The following EPN2 variants were observed in gnomAD, a reference collection of about 807,000 sequenced individuals.
EPN2 encodes the protein epsin 2, also known as epsin-2.
In EPN2, 34 loss-of-function variants were observed where a neutral mutation model predicts 61.7. The ratio of observed to expected loss-of-function variants is 0.55; its 90% CI spans 0.42 to 0.73. EPN2 has a LOEUF of 0.73. Among genes scored for constraint, EPN2 ranks in the 30% least tolerant of loss-of-function variants. EPN2 has a pLI of 0.00. For missense variants in EPN2, 714 were observed against 839.2 expected (o/e 0.85, Z 1.84); for synonymous variants, 349 against 353.6 (o/e 0.99, Z 0.15).
intron 1 of EPN2, among the ~76,000 whole-genome samples, chr17:19,254,215 A>AAAAGG (rs144668253): frequency 2.6e-5 from 4 of 151,780 alleles, no homozygotes; most frequent in South Asian, 2.1e-4. Context: ...AAGGAAAGGA[A>AAAAGG]AAAGGAAAGG....
At chr17:19,333,541 C>T (rs183177635) in intron 10 of EPN2, among the ~76,000 whole-genome samples, 2 of 152,118 alleles carry the variant, frequency 1.3e-5, no homozygotes, top group East Asian at 1.9e-4. Context: ...TATGTGGATC[C>T]CTGGGTGCAT....
At chr17:19,299,449 G>A (rs1338672614) in intron 4 of EPN2, among the ~76,000 whole-genome samples, 1 of 152,228 alleles carries the variant, frequency 6.6e-6, no homozygotes, top group African/African-American at 2.4e-5. Flanking sequence ...CTGGTCCCCA[G>A]CCATGATGAG....
intron 1 of EPN2, among the ~76,000 whole-genome samples, chr17:19,269,648 A>G (rs551824996): frequency 6.6e-6 from 1 of 152,356 alleles, no homozygotes; most frequent in Non-Finnish European, 1.5e-5. Context: ...TTCTTTGAAT[A>G]GCGTTAAAGC....
At chr17:19,266,558 A>G (rs1383361931) in intron 1 of EPN2, among the ~76,000 whole-genome samples, 1 of 151,906 alleles carries the variant, frequency 6.6e-6, no homozygotes. Context: ...GCCCGCTACC[A>G]CGCCTGGCTA....
intron 1 of EPN2, among the ~76,000 whole-genome samples, chr17:19,259,167 T>C (rs1934290222): frequency 1.3e-5 from 2 of 152,226 alleles, no homozygotes; most frequent in Admixed American, 1.3e-4. Flanking sequence ...AACCGCCCTA[T>C]AAGGCTTATG....
intron 1 of EPN2, among the ~76,000 whole-genome samples, chr17:19,237,877 C>G (rs964873929): frequency 1.3e-5 from 2 of 152,104 alleles, no homozygotes; most frequent in African/African-American, 4.8e-5. Context: ...CCTGGAGCCC[C>G]GTTCATCTTG....
chr17:19,297,519 G>A (rs2045532036), intron 4 of EPN2, among the ~76,000 whole-genome samples: 1 of 152,266 alleles, frequency 6.6e-6, no homozygotes, highest in South Asian at 2.1e-4. Flanking sequence ...CTTGCAGCTG[G>A]TAGCTGAGAC....
intron 1 of EPN2, among the ~76,000 whole-genome samples, chr17:19,276,773 G>GTGTTTT (rs1555598435): frequency 8.4e-6 from 1 of 119,328 alleles, no homozygotes; most frequent in African/African-American, 4.2e-5. Context: ...ATGAGAATAA[G>GTGTTTT]TTTTTTTTTT....
intron 2 of EPN2, chr17:19,282,308 G>C (rs550871943): frequency 1.3e-5 from 2 of 152,296 alleles, no homozygotes; most frequent in East Asian, 1.9e-4. Flanking sequence ...ATAAATTCTT[G>C]AACAGGGAAG....
chr17:19,300,239 A>G (rs1162545423), intron 4 of EPN2, among the ~76,000 whole-genome samples: 5 of 152,154 alleles, frequency 3.3e-5, no homozygotes, highest in Admixed American at 6.5e-5. Flanking sequence ...TCTCTCAGGA[A>G]GTGGTGAGAC....
intron 7 of EPN2, among the ~76,000 whole-genome samples, chr17:19,321,158 A>C (rs1481371395): frequency 6.6e-6 from 1 of 152,138 alleles, no homozygotes; most frequent in African/African-American, 2.4e-5. Flanking sequence ...CCTTCCCAGC[A>C]AGTGCCCCAC....
intron 1 of EPN2, among the ~76,000 whole-genome samples, chr17:19,252,840 TCA>T (rs2045029490): frequency 6.6e-6 from 1 of 152,148 alleles, no homozygotes; most frequent in African/African-American, 2.4e-5. Flanking sequence ...CAGGTGCGTG[TCA>T]CCATCGCCGG....
At chr17:19,247,207 A>G (rs1319291458) in intron 1 of EPN2, among the ~76,000 whole-genome samples, 3 of 152,220 alleles carry the variant, frequency 2.0e-5, no homozygotes, top group Non-Finnish European at 4.4e-5. Context: ...ATGTAGAAGT[A>G]TGGGCATTTC....
intron 4 of EPN2, among the ~76,000 whole-genome samples, chr17:19,296,019 C>T (rs1269550493): frequency 1.3e-5 from 2 of 152,194 alleles, no homozygotes; most frequent in African/African-American, 2.4e-5. Flanking sequence ...TTAGTCTCCT[C>T]CTGCTGACTG....
chr17:19,331,517 GAA>G (rs563630277), intron 9 of EPN2, among the ~76,000 whole-genome samples: 1 of 126,374 alleles, frequency 7.9e-6, no homozygotes, highest in Admixed American at 7.9e-5. Flanking sequence ...GAAAATGTAA[GAA>G]AAAAAAAAAA....
In EPN2 at chr17:19,284,303, G is replaced by A. The variant is rs530632519; in HGVS notation, c.595+589G>A. Among the ~76,000 whole-genome samples the A allele has an allele frequency of 5.9e-5, 9 of 152,294 alleles. No individual in the cohort carries two copies. In the South Asian group the frequency reaches 1.2e-3, roughly 21 times the overall value. On this transcript the variant is annotated intron_variant, in intron 3 of 10. Coordinates refer to ENST00000314728, the MANE Select transcript of EPN2 (RefSeq NM_014964.5). ...ATGGCTGGGTCTGCATTGAGTTCTG[G>A]TTTTGCATGTTGGATTAATTTGGGT...
chr17:19,289,090 T>TG (rs2045433700), intron 4 of EPN2, among the ~76,000 whole-genome samples: 1 of 139,732 alleles, frequency 7.2e-6, no homozygotes, highest in Admixed American at 7.1e-5. Context: ...TTTTTTTTTT[T>TG]TTTTTTTTTT....
At position 19,285,971 on chromosome 17, in the gene EPN2, C is replaced by T. The variant is rs371657662; in HGVS notation, c.766+181C>T. ...GGGAGCTTGTGGCCTGGTCGTGCTC[C>T]GCTTCCAGGATCACATGTCACTTGC... On this transcript the variant is annotated intron_variant, in intron 4 of 10. Transcript: ENST00000314728. The surrounding 1 kb of genome is among the most constrained non-coding windows in gnomAD (Gnocchi z 4.5). Among the ~76,000 whole-genome samples, 1 of 152,188 alleles carries T rather than the reference C, an allele frequency of 6.6e-6. No homozygotes were observed. Among genetic ancestry groups the T allele is most frequent in the East Asian group, 1.9e-4 (1 of 5,194 alleles).
chr17:19,242,856 A>C (rs1408169982), intron 1 of EPN2, among the ~76,000 whole-genome samples: 2 of 152,214 alleles, frequency 1.3e-5, no homozygotes, highest in African/African-American at 4.8e-5. Flanking sequence ...ATCACTTCTG[A>C]GTGCAGGCTT....
Sources: gnomAD v4.1 joint callset for allele counts (sites outside exome capture counted in the v4.1 genomes callset) on GRCh38, gnomAD v4.1.1 for gene constraint, Gnocchi (gnomAD v3.1) non-coding constraint, MANE v1.5 for transcripts, NCBI Gene and HGNC (gene_info 2026-07-23, HGNC 2026-07-21) for gene names.